The following CCSER1 variants were observed in gnomAD, a reference collection of about 807,000 sequenced individuals.
CCSER1 encodes the protein coiled-coil serine rich protein 1, also known as serine-rich coiled-coil domain-containing protein 1.
In CCSER1, 41 loss-of-function variants were observed where a neutral mutation model predicts 82.0. That is an observed-to-expected ratio of 0.50 (90% CI 0.39 to 0.65). The LOEUF (loss-of-function observed/expected upper bound fraction) is 0.65. Ranked by LOEUF, CCSER1 falls within the 30% of genes least tolerant of loss-of-function variation. The probability of loss-of-function intolerance (pLI) is 0.00; values close to 1 mark genes in which losing one functional copy is unlikely to be tolerated. For missense variants in CCSER1, 1,119 were observed against 1,064.2 expected, an observed-to-expected ratio of 1.05 and a Z score of -0.72; for synonymous variants, 414 against 383.9, an observed-to-expected ratio of 1.08 and a Z score of -0.92.
At chr4:91,484,599 C>G (rs907107557) in intron 10 of CCSER1, among the ~76,000 whole-genome samples, 2 of 151,998 alleles carry the variant, frequency 1.3e-5, no homozygotes, top group African/African-American at 2.4e-5. Context: ...TAAATATTTT[C>G]CTATGATTTA....
chr4:90,855,961 TTA>T (rs1764417193), intron 8 of CCSER1, among the ~76,000 whole-genome samples: 1 of 152,130 alleles, frequency 6.6e-6, no homozygotes, highest in Admixed American at 6.6e-5. Context: ...AGCAACTAAT[TTA>T]TATATTAATA....
chr4:90,903,535 A>G (rs1366137429), intron 8 of CCSER1, among the ~76,000 whole-genome samples: 1 of 152,190 alleles, frequency 6.6e-6, no homozygotes, highest in African/African-American at 2.4e-5. Context: ...CAATAAAATT[A>G]GAAATCAATA....
intron 4 of CCSER1, among the ~76,000 whole-genome samples, chr4:90,414,119 C>A (rs1415355228): frequency 6.8e-6 from 1 of 147,950 alleles, no homozygotes; most frequent in Non-Finnish European, 1.5e-5. Flanking sequence ...AGAACAATTT[C>A]AATGAAAGAA....
chr4:91,011,892 G>A (rs34499046), intron 9 of CCSER1, among the ~76,000 whole-genome samples: 10,020 of 134,480 alleles, frequency 0.075, 2,106 homozygotes, highest in Middle Eastern at 0.12. Context: ...GTGGTAGGGA[G>A]CAGCACAATA....
chr4:91,527,876 G>T (rs1760842360), intron 10 of CCSER1, among the ~76,000 whole-genome samples: 1 of 152,116 alleles, frequency 6.6e-6, no homozygotes, highest in Admixed American at 6.6e-5. Flanking sequence ...TGCTTCCATA[G>T]TACAGAAGCA....
At chr4:91,595,263 G>A (rs562617886) in intron 10 of CCSER1, among the ~76,000 whole-genome samples, 2 of 152,200 alleles carry the variant, frequency 1.3e-5, no homozygotes, top group African/African-American at 4.8e-5. Context: ...CACTCTGCCT[G>A]ACTCTGCTTT....
At chr4:90,585,655 C>CT (rs565360928) in intron 5 of CCSER1, among the ~76,000 whole-genome samples, 22 of 151,872 alleles carry the variant, frequency 1.4e-4, no homozygotes, top group Non-Finnish European at 3.1e-4. Context: ...GGTTGAATGA[C>CT]TTTTTTTTCA....
intron 10 of CCSER1, among the ~76,000 whole-genome samples, chr4:91,279,087 A>G (rs1193994961): frequency 2.0e-5 from 3 of 151,574 alleles, no homozygotes. Context: ...AGCACTGAAT[A>G]TATCACTCCA....
chr4:90,810,882 G>A (rs1758189430), intron 7 of CCSER1, among the ~76,000 whole-genome samples: 1 of 145,376 alleles, frequency 6.9e-6, no homozygotes, highest in African/African-American at 2.6e-5. Context: ...GCCCAGGCTG[G>A]AGTGCAGTGG....
intron 5 of CCSER1, among the ~76,000 whole-genome samples, chr4:90,501,041 G>A (rs991457883): frequency 5.3e-5 from 8 of 152,022 alleles, no homozygotes; most frequent in African/African-American, 1.9e-4. Context: ...TTAATGAAGT[G>A]TTTTCACTCT....
chr4:91,071,624 ACT>A (rs925072009), intron 9 of CCSER1, among the ~76,000 whole-genome samples: 2 of 152,148 alleles, frequency 1.3e-5, no homozygotes, highest in African/African-American at 4.8e-5. Context: ...AGCTATTAAT[ACT>A]CTCTTTTTAC....
chr4:90,440,291 C>T (rs571727949), intron 4 of CCSER1, among the ~76,000 whole-genome samples: 18 of 152,290 alleles, frequency 1.2e-4, no homozygotes, highest in African/African-American at 4.3e-4. Context: ...AGTTATGAGC[C>T]ACTGCATCCA....
At chr4:90,178,671 C>T (rs1206230953) in intron 1 of CCSER1, among the ~76,000 whole-genome samples, 1 of 152,050 alleles carries the variant, frequency 6.6e-6, no homozygotes, top group Admixed American at 6.6e-5. Flanking sequence ...AACCATACCA[C>T]ATGAATATGC....
chr4:90,822,102 A>C (rs1759802175), intron 8 of CCSER1, among the ~76,000 whole-genome samples: 1 of 152,168 alleles, frequency 6.6e-6, no homozygotes, highest in South Asian at 2.1e-4. Flanking sequence ...TTTTTAAGTA[A>C]GTTAGAGTTA....
intron 9 of CCSER1, among the ~76,000 whole-genome samples, chr4:90,945,212 T>C (rs1732087580): frequency 6.6e-6 from 1 of 152,222 alleles, no homozygotes; most frequent in African/African-American, 2.4e-5. Context: ...TGTGTCATAA[T>C]ATACTACAAA....
intron 5 of CCSER1, among the ~76,000 whole-genome samples, chr4:90,527,379 T>G (rs1773920778): frequency 6.6e-6 from 1 of 152,214 alleles, no homozygotes; most frequent in South Asian, 2.1e-4. Flanking sequence ...GAAATGCAAA[T>G]TAAAACCACA....
chr4:91,025,738 G>T (rs1375906080), intron 9 of CCSER1, among the ~76,000 whole-genome samples: 1 of 152,098 alleles, frequency 6.6e-6, no homozygotes. Flanking sequence ...CCACACTGTT[G>T]CAGTGGAACC....
intron 7 of CCSER1, among the ~76,000 whole-genome samples, chr4:90,813,301 T>G (rs978465743): frequency 1.3e-5 from 2 of 152,138 alleles, no homozygotes; most frequent in Admixed American, 6.5e-5. Context: ...ATCTTAAAGC[T>G]CCAAAATCTC....
At chr4:90,328,532 T>G (rs1738638078) in intron 3 of CCSER1, among the ~76,000 whole-genome samples, 2 of 152,230 alleles carry the variant, frequency 1.3e-5, no homozygotes, top group African/African-American at 4.8e-5. Flanking sequence ...TAATACTATT[T>G]TCTACTCTCA....
Sources: allele counts gnomAD v4.1 joint callset (sites outside exome capture counted in the v4.1 genomes callset), GRCh38; gene constraint gnomAD v4.1.1; transcripts MANE v1.5; gene names NCBI Gene and HGNC (gene_info 2026-07-23, HGNC 2026-07-21).